The following HTT variants were observed in gnomAD, a reference collection of about 807,000 sequenced individuals.
The protein encoded by HTT is huntingtin.
In HTT, 104 loss-of-function variants were observed where a neutral mutation model predicts 362.3. That is an observed-to-expected ratio of 0.29 (90% CI 0.24 to 0.34). HTT has a LOEUF of 0.34. Among genes scored for constraint, HTT ranks in the 10% least tolerant of loss-of-function variants. The probability of loss-of-function intolerance (pLI) is 1.00; values close to 1 mark genes in which losing one functional copy is unlikely to be tolerated. For synonymous variants in HTT, 1,577 were observed against 1,548.7 expected, an observed-to-expected ratio of 1.02 and a Z score of -0.43; for missense variants, 3,301 against 3,928.6, an observed-to-expected ratio of 0.84 and a Z score of 4.27.
Position 3,127,621 on chromosome 4 carries a change from G to T in HTT, c.1743+17G>T. The stretch of plus-strand genomic sequence containing the variant: ...TCTGAAATTGTAAGTGGGCAGAGGG[G>T]CCTGACATCTTTTTTTTTATTTTTT... On this transcript the variant is annotated intron_variant, in intron 12 of 66. Transcript: ENST00000355072. The T allele has an allele frequency of 1.3e-6, 2 of 1,551,106 alleles. No homozygotes were observed. The highest frequency in any genetic ancestry group is 1.1e-5 in the South Asian group (1 of 87,726).
At chr4:3,105,325 C>A in intron 4 of HTT, 32 bp from the exon 5 acceptor site, 3 of 1,474,622 alleles carry the variant, frequency 2.0e-6, no homozygotes, top group Non-Finnish European at 2.8e-6. Context: ...TAGTATGTGA[C>A]TCTTAATGCA....
At chr4:3,238,300 C>A (rs1721638621) in intron 64 of HTT, 147 bp from the exon 65 acceptor site, 1 of 576,114 alleles carries the variant, frequency 1.7e-6, no homozygotes, top group Non-Finnish European at 2.9e-6. Context: ...ACTTTCCCCA[C>A]TTGGAAAGTC....
At chr4:3,084,896 C>G (rs908724620) in intron 1 of HTT, among the ~76,000 whole-genome samples, 1 of 151,656 alleles carries the variant, frequency 6.6e-6, no homozygotes, top group African/African-American at 2.4e-5. Context: ...TGCCTGTAGT[C>G]CCAGCTACTT....
intron 40 of HTT, among the ~76,000 whole-genome samples, chr4:3,197,070 G>T (rs1383032137): frequency 6.6e-6 from 1 of 152,148 alleles, no homozygotes; most frequent in African/African-American, 2.4e-5. Context: ...AGGCCCTCCA[G>T]CTTGATTCTG....
chr4:3,231,994 T>C (rs574460991), intron 60 of HTT, among the ~76,000 whole-genome samples: 1 of 152,290 alleles, frequency 6.6e-6, no homozygotes, highest in African/African-American at 2.4e-5. Context: ...TTTCAGCGCG[T>C]CATGCTTGGT....
intron 46 of HTT, among the ~76,000 whole-genome samples, chr4:3,209,506 G>C (rs1720032822): frequency 6.6e-6 from 1 of 152,228 alleles, no homozygotes; most frequent in Non-Finnish European, 1.5e-5. Context: ...CCTGGTTGCT[G>C]GGGAGAGATG....
intron 37 of HTT, among the ~76,000 whole-genome samples, chr4:3,183,084 G>T (rs1718602970): frequency 6.6e-6 from 1 of 152,202 alleles, no homozygotes; most frequent in Non-Finnish European, 1.5e-5. Flanking sequence ...GTCTCGCTGT[G>T]TTGCCCAGGC....
At chr4:3,225,609 T>A in intron 56 of HTT, 52 bp from the exon 57 acceptor site, 1 of 1,530,606 alleles carries the variant, frequency 6.5e-7, no homozygotes, top group South Asian at 1.1e-5. Context: ...GGGGTGGGCC[T>A]GCGGCCCTGC....
At chr4:3,146,710 C>A in intron 24 of HTT, 87 bp from the exon 25 acceptor site, 1 of 1,164,852 alleles carries the variant, frequency 8.6e-7, no homozygotes, top group Non-Finnish European at 1.3e-6. Flanking sequence ...TTGTGACATG[C>A]CTTCCTCTTG....
intron 2 of HTT, among the ~76,000 whole-genome samples, chr4:3,097,020 A>T (rs1369105218): frequency 1.3e-5 from 2 of 151,978 alleles, no homozygotes; most frequent in African/African-American, 4.8e-5. Flanking sequence ...CCAGGAGTCT[A>T]AGGTGGGAGG....
At chr4:3,187,496 G>C (rs1718822419) in intron 38 of HTT, among the ~76,000 whole-genome samples, 155 bp from the exon 39 acceptor site, 1 of 152,182 alleles carries the variant, frequency 6.6e-6, no homozygotes. Flanking sequence ...ACTAATGCCT[G>C]CTTTTCTGGG....
At chr4:3,104,693 G>A (rs572113872) in intron 4 of HTT, among the ~76,000 whole-genome samples, 2 of 152,214 alleles carry the variant, frequency 1.3e-5, no homozygotes, top group African/African-American at 4.8e-5. Context: ...GCAGGTGGAT[G>A]CTTGAGACCA....
chr4:3,196,997 C>T (rs972172085), intron 40 of HTT, among the ~76,000 whole-genome samples: 1 of 152,156 alleles, frequency 6.6e-6, no homozygotes, highest in African/African-American at 2.4e-5. Flanking sequence ...CTCTTGCCCT[C>T]TTTACTAAAA....
rs768906838 is a variant in HTT at position 3,115,463 on chromosome 4, G to A, written c.889+18G>A. 7.6e-6 allele frequency: 12 copies of A among 1,586,562 alleles called. No individual in the cohort carries two copies. Among genetic ancestry groups the A allele is most frequent in the Non-Finnish European group, 1.0e-5 (12 of 1,156,116 alleles). On this transcript the variant is annotated intron_variant, in intron 7 of 66. Transcript: ENST00000355072. Reference sequence around the variant, plus strand: ...GCTCTTAGGTAAGGTGGAGGCATATGAGTGGAAGAGTCTCCAGCATGTACT... The same window carrying A: ...GCTCTTAGGTAAGGTGGAGGCATATAAGTGGAAGAGTCTCCAGCATGTACT...
intron 65 of HTT, 33 bp from the exon 66 acceptor site, chr4:3,238,785 C>G: frequency 6.4e-7 from 1 of 1,551,400 alleles, no homozygotes; most frequent in Middle Eastern, 2.1e-4. Context: ...TCCCCCCAGC[C>G]CTGACACTCA....
At chr4:3,192,046 T>C (rs548686904) in intron 40 of HTT, among the ~76,000 whole-genome samples, 7 of 152,264 alleles carry the variant, frequency 4.6e-5, no homozygotes, top group African/African-American at 1.7e-4. Context: ...CAGCTCTGCT[T>C]TCTTCTTTTC....
chr4:3,102,463 C>T (rs544171287), intron 3 of HTT, among the ~76,000 whole-genome samples: 1 of 152,358 alleles, frequency 6.6e-6, no homozygotes, highest in South Asian at 2.1e-4. Context: ...AAATGTTTGT[C>T]CAATTCGCTT....
rs1718161563 is a variant in HTT at position 3,174,860 on chromosome 4, A to T, written c.4245+61A>T. Reference sequence around the variant, plus strand: ...GTGTCAGTGCTAGAGAGGAAACTGGAGCTGAGACTTTCCAGGTATTTTGCT... The same window carrying T: ...GTGTCAGTGCTAGAGAGGAAACTGGTGCTGAGACTTTCCAGGTATTTTGCT... On this transcript the variant is annotated intron_variant, in intron 32 of 66. Transcript: ENST00000355072. The T allele has an allele frequency of 5.1e-6, 8 of 1,565,586 alleles. No individual in the cohort carries two copies. The South Asian group carries it at 6.8e-5, about 13-fold the overall frequency.
At chr4:3,099,844 AGTGCTCTTGTATGGTTTGGAG>A (rs1303501963) in intron 3 of HTT, among the ~76,000 whole-genome samples, 21 of 106,224 alleles carry the variant, frequency 2.0e-4, no homozygotes, top group African/African-American at 6.2e-4. Context: ...ATGGTTTGGA[AGTGCTCTTGTATGGTTTGGAG>A]GTGCTCTTGT....
Sources: allele counts gnomAD v4.1 joint callset (sites outside exome capture counted in the v4.1 genomes callset), GRCh38; gene constraint gnomAD v4.1.1; transcripts MANE v1.5; gene names NCBI Gene and HGNC (gene_info 2026-07-23, HGNC 2026-07-21).